Variants in LRP6 observed in about 807,000 individuals in gnomAD.
LRP6 encodes LDL receptor related protein 6, also known as low-density lipoprotein receptor-related protein 6.
Under a neutral mutation model 184.1 loss-of-function variants are expected in LRP6, and 43 were observed. The ratio of observed to expected loss-of-function variants is 0.23; its 90% CI spans 0.18 to 0.30. LRP6 has a LOEUF of 0.30. Among genes scored for constraint, LRP6 ranks in the 10% least tolerant of loss-of-function variants. LRP6 has a pLI of 1.00. For missense variants in LRP6, 1,571 were observed against 2,005.3 expected (o/e 0.78, Z 4.14); for synonymous variants, 719 against 684.9 (o/e 1.05, Z -0.78).
Position 12,187,114 on chromosome 12 carries a change from G to T in LRP6, c.653C>A (p.Ala218Glu). ...ATGTGGAAGGGAACCTTTAACCACT[G>T]CCTGCCTATTAACATAAAGAGAAAA... ...KSNLDGTNRQ[A>E]VVKGSLPHPF... The change falls in exon 4 of 23, where the codon GCA (alanine) becomes GAA (glutamate). Residue 218 changes from alanine (A) to glutamate (E), a missense_variant. Ala to Glu is a moderately radical substitution (Grantham distance 107, BLOSUM62 -1). Coordinates refer to ENST00000261349, the MANE Select transcript of LRP6 (RefSeq NM_002336.3). 1 of 1,613,882 alleles carries T rather than the reference G, an allele frequency of 6.2e-7. No individual in the cohort carries two copies.
At chr12:12,150,476 A>C (rs1950066743) in intron 13 of LRP6, among the ~76,000 whole-genome samples, 2 of 152,200 alleles carry the variant, frequency 1.3e-5, no homozygotes, top group South Asian at 2.1e-4. Flanking sequence ...GTTCCTAAGA[A>C]TCCTAAGTGA....
intron 3 of LRP6, among the ~76,000 whole-genome samples, chr12:12,196,587 G>T (rs1462741051): frequency 6.6e-6 from 1 of 151,722 alleles, no homozygotes; most frequent in Non-Finnish European, 1.5e-5. Flanking sequence ...TCAGTTCTAA[G>T]AATTTTTTTT....
At chr12:12,153,210 T>C (rs1950104606) in intron 12 of LRP6, among the ~76,000 whole-genome samples, 1 of 152,212 alleles carries the variant, frequency 6.6e-6, no homozygotes, top group African/African-American at 2.4e-5. Context: ...CTAAATTGGC[T>C]GGGCACAGTG....
rs775626543 is a variant in LRP6 at position 12,181,330 on chromosome 12, G to A, written c.1086C>T (p.Ala362=). 11 of 1,613,922 alleles carry A rather than the reference G, an allele frequency of 6.8e-6. No homozygotes were observed. Among genetic ancestry groups the A allele is most frequent in the African/African-American group, 1.3e-5 (1 of 74,920 alleles). The part of the protein sequence containing the change: ...IVLQLEDIRH[A]IAIDYDPVEG... ...CCACAGGATCGTAATCTATGGCAAT[G>A]GCATGACGGATGTCTTCTAACTGCA... The change falls in exon 6 of 23, where the codon GCC becomes GCT. Residue 362 remains alanine (A), a synonymous_variant. Coordinates refer to ENST00000261349, the MANE Select transcript of LRP6 (RefSeq NM_002336.3).
chr12:12,260,285 G>A (rs964875935), intron 1 of LRP6, among the ~76,000 whole-genome samples: 5 of 151,852 alleles, frequency 3.3e-5, no homozygotes, highest in Non-Finnish European at 7.4e-5. Flanking sequence ...GGCTGAGGCA[G>A]GAGAATGGCG....
intron 3 of LRP6, among the ~76,000 whole-genome samples, chr12:12,199,652 T>C (rs1217490002): frequency 6.6e-6 from 1 of 152,028 alleles, no homozygotes; most frequent in Admixed American, 6.6e-5. Context: ...TTTAGGGAAC[T>C]GTGAAGATAA....
In LRP6 at chr12:12,121,418, T is replaced by C; in HGVS notation, c.4550A>G (p.Tyr1517Cys). The C allele has an allele frequency of 6.2e-7, 1 of 1,613,932 alleles. No individual in the cohort carries two copies. The change falls in exon 23 of 23, where the codon TAC becomes TGC. Residue 1517 changes from tyrosine to cysteine, a missense_variant and splice_region_variant. Physicochemically the swap from Tyr to Cys is radical, Grantham distance 194. Around this residue, in one of 4 missense-constraint regions of LRP6, gnomAD observed 763 missense variants for 859.5 expected, o/e 0.89. Coordinates refer to ENST00000261349, the MANE Select transcript of LRP6 (RefSeq NM_002336.3). ...AAAGTGCCGGTAGCTATATGGCCTGTAGCTGGTATAGGGAGAAAATAAAGA... is the reference window on the plus strand; with the variant it reads ...AAAGTGCCGGTAGCTATATGGCCTGCAGCTGGTATAGGGAGAAAATAAAGA... ...NSPSTHRSYS[Y>C]RPYSYRHFAP... is the part of the protein sequence containing the mutation.
chr12:12,130,345 C>A (rs1266064820), intron 19 of LRP6, among the ~76,000 whole-genome samples: 1 of 152,042 alleles, frequency 6.6e-6, no homozygotes, highest in Non-Finnish European at 1.5e-5. Flanking sequence ...ACCACCACGC[C>A]TGGCTAATTT....
chr12:12,264,263 A>G (rs562714932), intron 1 of LRP6, among the ~76,000 whole-genome samples: 18 of 152,308 alleles, frequency 1.2e-4, no homozygotes, highest in African/African-American at 4.3e-4. Flanking sequence ...GGTACTCCAT[A>G]TTATTTCATT....
intron 1 of LRP6, among the ~76,000 whole-genome samples, chr12:12,251,391 T>G (rs1469198605): frequency 6.6e-6 from 1 of 151,936 alleles, no homozygotes; most frequent in Non-Finnish European, 1.5e-5. Flanking sequence ...TGAGATGGAG[T>G]CTCACTCTGT....
rs559340355 is a variant in LRP6 at position 12,119,638 on chromosome 12, A to C, written c.*1488T>G. On this transcript the variant is annotated 3_prime_UTR_variant, in exon 23 of 23. Coordinates refer to ENST00000261349, the MANE Select transcript of LRP6 (RefSeq NM_002336.3). Reference sequence around the variant, plus strand: ...AAATTCTGACAGCTGAGAAGTTAACAGTTTGCCTTCTCATTTAATCCTCAT... The same window carrying C: ...AAATTCTGACAGCTGAGAAGTTAACCGTTTGCCTTCTCATTTAATCCTCAT... 6.6e-6 allele frequency: 1 copy of C among 152,200 alleles called. No homozygotes were observed. Among genetic ancestry groups the C allele is most frequent in the Non-Finnish European group, 1.5e-5 (1 of 68,040 alleles). The allele number at this position is 152,200 out of a possible 1,614,324, so 9.4% of individuals were successfully genotyped here.
At chr12:12,170,841 TG>T (rs1385376289) in intron 7 of LRP6, among the ~76,000 whole-genome samples, 4 of 149,624 alleles carry the variant, frequency 2.7e-5, no homozygotes, top group Admixed American at 6.7e-5. Context: ...ACGTCTTAGA[TG>T]AAAAAAACTA....
rs1862847685 is a variant in LRP6 at position 12,165,191 on chromosome 12, C to A, written c.1650G>T (p.Trp550Cys). 6.2e-7 allele frequency: 1 copy of A among 1,613,850 alleles called. No individual in the cohort carries two copies. Reference sequence around the variant, plus strand: ...GAACTCTTTCAATGCTACGCCTCTGCCAGTCAGTCCAGTAAACATAGTCAC... The same window carrying A: ...GAACTCTTTCAATGCTACGCCTCTGACAGTCAGTCCAGTAAACATAGTCAC... The part of the protein sequence containing the change: ...LLGDYVYWTD[W>C]QRRSIERVHK... Residue 550 changes from tryptophan (W) to cysteine (C), a missense_variant, in exon 8 of 23, where the codon TGG becomes TGT. Physicochemically the swap from Trp to Cys is radical, Grantham distance 215. Transcript: ENST00000261349.
At chr12:12,229,094 G>A (rs1277797352) in intron 2 of LRP6, among the ~76,000 whole-genome samples, 7 of 152,084 alleles carry the variant, frequency 4.6e-5, no homozygotes, top group Admixed American at 3.9e-4. Flanking sequence ...ATATCGGCCC[G>A]GCACAACGGT....
intron 2 of LRP6, among the ~76,000 whole-genome samples, chr12:12,204,991 A>G (rs1385966162): frequency 6.6e-6 from 1 of 151,808 alleles, no homozygotes; most frequent in Non-Finnish European, 1.5e-5. Context: ...AAAAATAGAA[A>G]AACTCTTTAA....
rs1862849936 is a variant in LRP6 at position 12,165,274 on chromosome 12, C to T, written c.1567G>A (p.Gly523Arg). 1.9e-6 allele frequency: 3 copies of T among 1,612,972 alleles called. No individual in the cohort carries two copies. The Admixed American group carries it at 5.0e-5, about 27-fold the overall frequency. The stretch of plus-strand genomic sequence containing the variant: ...TTGTCTTCCACTAGTACTCGTCTCC[C>T]AGTGCCATCAGTATTCATAACCTTC... ...KIEVMNTDGT[G>R]RRVLVEDKIP... Residue 523 changes from glycine to arginine, a missense_variant, in exon 8 of 23, where the codon GGG (glycine) becomes AGG (arginine). This residue lies in a region of LRP6 where 640 missense variants were observed against 851.9 expected (regional missense o/e 0.75). Transcript: ENST00000261349.
Position 12,266,988 on chromosome 12 carries a change from G to A in LRP6, c.-253C>T, listed in dbSNP as rs576434006. The A allele has an allele frequency of 9.3e-4, 494 of 530,264 alleles. 2 individuals carry two copies. Among genetic ancestry groups the A allele is most frequent in the African/African-American group, 9.1e-3 (445 of 48,740 alleles). The allele number at this position is 530,264 out of a possible 1,614,324, so 32.8% of individuals were successfully genotyped here. A position where few individuals can be genotyped will look rare whatever the true frequency, so the allele number is the denominator to read the frequency against. On this transcript the variant is annotated 5_prime_UTR_variant, in exon 1 of 23. Coordinates refer to ENST00000261349, the MANE Select transcript of LRP6 (RefSeq NM_002336.3). The stretch of plus-strand genomic sequence containing the variant: ...CCGCCGCCTCCTCCCCCGGCGCCCC[G>A]CTTCCCCCGCGCAGCTCCTCATTCA...
intron 2 of LRP6, among the ~76,000 whole-genome samples, chr12:12,221,883 T>C (rs1488875056): frequency 1.3e-5 from 2 of 152,236 alleles, no homozygotes; most frequent in Non-Finnish European, 2.9e-5. Flanking sequence ...TGTTGGACTG[T>C]GTCATCTATA....
intron 12 of LRP6, among the ~76,000 whole-genome samples, chr12:12,154,204 G>A (rs1474477565): frequency 1.3e-5 from 2 of 151,850 alleles, no homozygotes; most frequent in Non-Finnish European, 2.9e-5. Flanking sequence ...CTAACATGTC[G>A]GACATGTTCC....
Sources: gnomAD v4.1 joint callset for allele counts (sites outside exome capture counted in the v4.1 genomes callset) on GRCh38, gnomAD v4.1.1 for gene constraint, gnomAD v4.1.1 regional missense constraint, MANE v1.5 for transcripts, NCBI Gene and HGNC (gene_info 2026-07-23, HGNC 2026-07-21) for gene names.